The following AGPAT4 variants were observed in gnomAD, a reference collection of about 807,000 sequenced individuals.
AGPAT4 encodes the protein 1-acylglycerol-3-phosphate O-acyltransferase 4, also known as 1-acyl-sn-glycerol-3-phosphate acyltransferase delta.
Under a neutral mutation model 48.0 loss-of-function variants are expected in AGPAT4, and 15 were observed. The ratio of observed to expected loss-of-function variants is 0.31; its 90% CI spans 0.21 to 0.48. The LOEUF is 0.48. AGPAT4 is among the 20% of genes least tolerant of loss of function. The pLI is 0.99. For synonymous variants in AGPAT4, 178 were observed against 198.7 expected (o/e 0.90, Z 0.88); for missense variants, 314 against 482.5 (o/e 0.65, Z 3.27).
At chr6:161,174,671 T>A (rs1458436837) in intron 2 of AGPAT4, among the ~76,000 whole-genome samples, 1 of 152,208 alleles carries the variant, frequency 6.6e-6, no homozygotes, top group African/African-American at 2.4e-5. Flanking sequence ...TGGCCAGAAC[T>A]TCCAACACTA....
rs1056911789 is a variant in AGPAT4, at chr6:161,235,097, G to T, written c.-89-2795C>A. 1.3e-5 allele frequency among the ~76,000 whole-genome samples: 2 copies of T among 151,922 alleles called. No individual in the cohort carries two copies. The highest frequency in any genetic ancestry group is 2.9e-5 in the Non-Finnish European group (2 of 67,996). ...AGGCCCATTTCCTAGCCTGGTGTGGGGTGGTTGCATGTGGGCTTGAGAGTT... is the reference window on the plus strand; with the variant it reads ...AGGCCCATTTCCTAGCCTGGTGTGGTGTGGTTGCATGTGGGCTTGAGAGTT... On this transcript the variant is annotated intron_variant, in intron 1 of 8. Coordinates refer to ENST00000320285, the MANE Select transcript of AGPAT4 (RefSeq NM_020133.3). The surrounding 1 kb of genome is among the most constrained non-coding windows in gnomAD (Gnocchi z 6.2).
Position 161,142,935 on chromosome 6 carries a change from GGTTCTT to G in AGPAT4, c.844-3321_844-3316del, listed in dbSNP as rs1281117112. Among the ~76,000 whole-genome samples the G allele has an allele frequency of 6.6e-6, 1 of 152,184 alleles. No individual in the cohort carries two copies. ...AAAAACAATTGCCAGTCCCCAAAAT[GGTTCTT>G]GTCCTTGAAGGCCAGAGCAGGAGAG... is the stretch of plus-strand genomic sequence containing the variant. On this transcript the variant is annotated intron_variant, in intron 7 of 8. Transcript: ENST00000320285. This position sits in a 1 kb window ranked among gnomAD's most constrained non-coding sequence, Gnocchi z 6.4.
At chr6:161,163,191 A>T (rs1463971794) in intron 3 of AGPAT4, among the ~76,000 whole-genome samples, 5 of 152,244 alleles carry the variant, frequency 3.3e-5, no homozygotes, top group Non-Finnish European at 5.9e-5. Context: ...TTTTACATTT[A>T]AAAATGCCAC....
Position 161,234,440 on chromosome 6 carries a change from A to G in AGPAT4, c.-89-2138T>C, listed in dbSNP as rs1019840656. Among the ~76,000 whole-genome samples the G allele has an allele frequency of 6.6e-6, 1 of 152,032 alleles. No homozygotes were observed. The highest frequency in any genetic ancestry group is 1.5e-5 in the Non-Finnish European group (1 of 68,000). On this transcript the variant is annotated intron_variant, in intron 1 of 8. Coordinates refer to ENST00000320285, the MANE Select transcript of AGPAT4 (RefSeq NM_020133.3). The surrounding 1 kb of genome is among the most constrained non-coding windows in gnomAD (Gnocchi z 4.4). Reference sequence around the variant, plus strand: ...TCATCACATCTCTGGCCTTTCGCAGACGGCATTTCCACAGATATTTCCAGG... The same window carrying G: ...TCATCACATCTCTGGCCTTTCGCAGGCGGCATTTCCACAGATATTTCCAGG...
At position 161,255,036 on chromosome 6, in the gene AGPAT4, C is replaced by G. The variant is rs139201531; in HGVS notation, c.-90+18902G>C. Among the ~76,000 whole-genome samples the G allele has an allele frequency of 1.5e-3, 230 of 152,292 alleles. No individual in the cohort carries two copies. The highest frequency in any genetic ancestry group is 5.3e-3 in the African/African-American group (220 of 41,554). On this transcript the variant is annotated intron_variant, in intron 1 of 8. Transcript: ENST00000320285. This position sits in a 1 kb window ranked among gnomAD's most constrained non-coding sequence, Gnocchi z 4.7. ...CATTGCAGAGCCAGATACGGTTACA[C>G]AGCCCTTCTGAAGCAAAGATACACT...
chr6:161,215,556 A>G lies in AGPAT4; in HGVS notation c.178+16480T>C, dbSNP rs764685920. On this transcript the variant is annotated intron_variant, in intron 2 of 8. Coordinates refer to ENST00000320285, the MANE Select transcript of AGPAT4 (RefSeq NM_020133.3). This position sits in a 1 kb window ranked among gnomAD's most constrained non-coding sequence, Gnocchi z 4.5. ...CTGGCACACATTACAGGCAAAACCC[A>G]TATTTTAAATGTATAACAAGCTCTT... is the stretch of plus-strand genomic sequence containing the variant. 3.9e-5 allele frequency among the ~76,000 whole-genome samples: 6 copies of G among 152,310 alleles called. No homozygotes were observed. The highest frequency in any genetic ancestry group is 2.1e-4 in the South Asian group (1 of 4,824).
In AGPAT4 at chr6:161,218,157, C is replaced by T. The variant is rs1239149155; in HGVS notation, c.178+13879G>A. Among the ~76,000 whole-genome samples the T allele has an allele frequency of 6.6e-6, 1 of 152,232 alleles. No homozygotes were observed. Among genetic ancestry groups the T allele is most frequent in the Non-Finnish European group, 1.5e-5 (1 of 68,050 alleles). On this transcript the variant is annotated intron_variant, in intron 2 of 8. Coordinates refer to ENST00000320285, the MANE Select transcript of AGPAT4 (RefSeq NM_020133.3). The surrounding 1 kb of genome is among the most constrained non-coding windows in gnomAD (Gnocchi z 4.7). ...ACCTGCACAAGATGACTGTAGCTCT[C>T]TACCCCCGTCCACAGTGACGGTGCC...
At chr6:161,156,335 C>A (rs1779768263) in intron 3 of AGPAT4, among the ~76,000 whole-genome samples, 1 of 152,200 alleles carries the variant, frequency 6.6e-6, no homozygotes, top group Non-Finnish European at 1.5e-5. Context: ...CTATTGTCTG[C>A]AGCTGCCTTC....
rs1761905351 is a variant in AGPAT4, at chr6:161,139,936, G to C, written c.844-316C>G. On this transcript the variant is annotated intron_variant, in intron 7 of 8. Transcript: ENST00000320285. The surrounding 1 kb of genome is among the most constrained non-coding windows in gnomAD (Gnocchi z 9.1). ...ATCCACCCTCTGTGGGCAGGCACCT[G>C]CATCCCTGAGCCCAGGCCCCAGTCT... 1.3e-5 allele frequency among the ~76,000 whole-genome samples: 2 copies of C among 152,234 alleles called. No individual in the cohort carries two copies. Among genetic ancestry groups the C allele is most frequent in the African/African-American group, 4.8e-5 (2 of 41,478 alleles).
chr6:161,205,647 G>C (rs556797143), intron 2 of AGPAT4, among the ~76,000 whole-genome samples: 1 of 150,680 alleles, frequency 6.6e-6, no homozygotes, highest in East Asian at 2.0e-4. Context: ...GGGAAAAGCA[G>C]TATACAACTT....
rs996627557 is a variant in AGPAT4, at chr6:161,234,809, G to A, written c.-89-2507C>T. On this transcript the variant is annotated intron_variant, in intron 1 of 8. Coordinates refer to ENST00000320285, the MANE Select transcript of AGPAT4 (RefSeq NM_020133.3). This position sits in a 1 kb window ranked among gnomAD's most constrained non-coding sequence, Gnocchi z 4.4. ...AAGCCAGCTGACATCGGAAATGCAG[G>A]GGGTTAAATGCTGCCTTCTTCAGTG... Among the ~76,000 whole-genome samples, 5 of 152,010 alleles carry A rather than the reference G, an allele frequency of 3.3e-5. No homozygotes were observed. Among genetic ancestry groups the A allele is most frequent in the African/African-American group, 1.2e-4 (5 of 41,358 alleles).
chr6:161,164,997 C>T lies in AGPAT4; in HGVS notation c.348+1251G>A, dbSNP rs1043216555. ...AGGTGACCTGACAGTCAAGATGCAC[C>T]GGCTCCCCATACCCTTCCTCCTGGG... On this transcript the variant is annotated intron_variant, in intron 3 of 8. Coordinates refer to ENST00000320285, the MANE Select transcript of AGPAT4 (RefSeq NM_020133.3). The surrounding 1 kb of genome is among the most constrained non-coding windows in gnomAD (Gnocchi z 7.4). Among the ~76,000 whole-genome samples, 3 of 152,106 alleles carry T rather than the reference C, an allele frequency of 2.0e-5. No individual in the cohort carries two copies. The highest frequency in any genetic ancestry group is 4.4e-5 in the Non-Finnish European group (3 of 68,016).
At chr6:161,230,865 T>C (rs1208611318) in intron 2 of AGPAT4, among the ~76,000 whole-genome samples, 1 of 152,216 alleles carries the variant, frequency 6.6e-6, no homozygotes, top group Non-Finnish European at 1.5e-5. Flanking sequence ...ACTCAAACTA[T>C]ATCCAAAATA....
rs142001573 is a variant in AGPAT4, at chr6:161,198,262, C to G, written c.179-31845G>C. Among the ~76,000 whole-genome samples the G allele has an allele frequency of 2.1e-4, 32 of 152,286 alleles. No individual in the cohort carries two copies. The highest frequency in any genetic ancestry group is 2.1e-3 in the Admixed American group (32 of 15,302). On this transcript the variant is annotated intron_variant, in intron 2 of 8. Transcript: ENST00000320285. This position sits in a 1 kb window ranked among gnomAD's most constrained non-coding sequence, Gnocchi z 4.3. ...TCTTGCTTGTACGTAAATATAATCT[C>G]AAGTAATTTTTCATGCTTTGGCAAG...
chr6:161,264,661 C>T lies in AGPAT4; in HGVS notation c.-90+9277G>A, dbSNP rs989806780. 2.0e-5 allele frequency among the ~76,000 whole-genome samples: 3 copies of T among 152,182 alleles called. No individual in the cohort carries two copies. Among genetic ancestry groups the T allele is most frequent in the Admixed American group, 6.5e-5 (1 of 15,282 alleles). On this transcript the variant is annotated intron_variant, in intron 1 of 8. Coordinates refer to ENST00000320285, the MANE Select transcript of AGPAT4 (RefSeq NM_020133.3). This position sits in a 1 kb window ranked among gnomAD's most constrained non-coding sequence, Gnocchi z 6.8. Reference sequence around the variant, plus strand: ...GGCTCCTCAAAGGCACTTGCAGGGTCGGCTCCCTCTTTGTATTCCTGCGGG... The same window carrying T: ...GGCTCCTCAAAGGCACTTGCAGGGTTGGCTCCCTCTTTGTATTCCTGCGGG...
chr6:161,148,846 T>G lies in AGPAT4; in HGVS notation c.767+341A>C, dbSNP rs150226471. On this transcript the variant is annotated intron_variant, in intron 6 of 8. Coordinates refer to ENST00000320285, the MANE Select transcript of AGPAT4 (RefSeq NM_020133.3). This position sits in a 1 kb window ranked among gnomAD's most constrained non-coding sequence, Gnocchi z 5.5. ...AGACCGCCTTATATAAATACACATC[T>G]GTGTGTATTCCATACAGCAGACCCA... Among the ~76,000 whole-genome samples, 671 of 152,362 alleles carry G rather than the reference T, an allele frequency of 4.4e-3. 3 individuals carry two copies. Among genetic ancestry groups the G allele is most frequent in the African/African-American group, 0.016 (645 of 41,586 alleles).
Position 161,216,963 on chromosome 6 carries a change from CT to C in AGPAT4, c.178+15072del, listed in dbSNP as rs1180122851. Among the ~76,000 whole-genome samples, 1 of 152,218 alleles carries C rather than the reference CT, an allele frequency of 6.6e-6. No individual in the cohort carries two copies. The highest frequency in any genetic ancestry group is 1.9e-4 in the East Asian group (1 of 5,194). On this transcript the variant is annotated intron_variant, in intron 2 of 8. Transcript: ENST00000320285. The surrounding 1 kb of genome is among the most constrained non-coding windows in gnomAD (Gnocchi z 4.8). ...AATCCCTGCTTCTGTCTTAATTTGA[CT>C]TTCCCCTCACACGTGGCTCTGATTC...
rs544925741 is a variant in AGPAT4 at position 161,184,566 on chromosome 6, G to A, written c.179-18149C>T. The stretch of plus-strand genomic sequence containing the variant: ...CCCTGGCCTCCCCTGGCCCTGCCCC[G>A]GACCCCCCATTCCCACCTGTCATCC... On this transcript the variant is annotated intron_variant, in intron 2 of 8. Coordinates refer to ENST00000320285, the MANE Select transcript of AGPAT4 (RefSeq NM_020133.3). This position sits in a 1 kb window ranked among gnomAD's most constrained non-coding sequence, Gnocchi z 4.8. Among the ~76,000 whole-genome samples, 35 of 151,924 alleles carry A rather than the reference G, an allele frequency of 2.3e-4. No individual in the cohort carries two copies. In the South Asian group the frequency reaches 4.6e-3, roughly 20 times the overall value.
At position 161,242,246 on chromosome 6, in the gene AGPAT4, G is replaced by A. The variant is rs902188423; in HGVS notation, c.-89-9944C>T. Reference sequence around the variant, plus strand: ...TAATGGTGAGTAACTGTGGGGGCCCGGCCTGGGCCAGTCTCACGCTTTTAA... The same window carrying A: ...TAATGGTGAGTAACTGTGGGGGCCCAGCCTGGGCCAGTCTCACGCTTTTAA... On this transcript the variant is annotated intron_variant, in intron 1 of 8. Coordinates refer to ENST00000320285, the MANE Select transcript of AGPAT4 (RefSeq NM_020133.3). This position sits in a 1 kb window ranked among gnomAD's most constrained non-coding sequence, Gnocchi z 5.0. 1.3e-5 allele frequency among the ~76,000 whole-genome samples: 2 copies of A among 152,202 alleles called. No individual in the cohort carries two copies. Among genetic ancestry groups the A allele is most frequent in the South Asian group, 2.1e-4 (1 of 4,834 alleles).
Sources: allele counts gnomAD v4.1 joint callset (sites outside exome capture counted in the v4.1 genomes callset), GRCh38; gene constraint gnomAD v4.1.1; non-coding constraint Gnocchi (gnomAD v3.1); transcripts MANE v1.5; gene names NCBI Gene and HGNC (gene_info 2026-07-23, HGNC 2026-07-21).